Variants in CCT5 observed in about 807,000 individuals in gnomAD.
CCT5 encodes the protein chaperonin containing TCP1 subunit 5, also known as T-complex protein 1 subunit epsilon.
CCT5 carries 6 observed loss-of-function variants against 55.0 expected under a neutral mutation model. That is an observed-to-expected ratio of 0.11 (90% CI 0.06 to 0.22). CCT5 has a LOEUF of 0.22. Among genes scored for constraint, CCT5 ranks in the 10% least tolerant of loss-of-function variants. CCT5 has a pLI of 1.00. For synonymous variants in CCT5, 231 were observed against 243.7 expected (o/e 0.95, Z 0.49); for missense variants, 560 against 694.6 (o/e 0.81, Z 2.18).
Position 10,264,716 on chromosome 5 carries a change from C to A in CCT5, c.1559C>A (p.Ala520Glu), listed in dbSNP as rs1746138517. The change falls in exon 11 of 11, where the codon GCA (alanine) becomes GAA (glutamate). Residue 520 changes from alanine (A) to glutamate (E), a missense_variant. Coordinates refer to ENST00000280326, the MANE Select transcript of CCT5 (RefSeq NM_012073.5). ...GGCAAAAAGCAACAGATATCTCTTG[C>A]AACACAAATGGTTAGAATGATTTTG... ...LIGKKQQISL[A>E]TQMVRMILKI... 3 of 1,613,678 alleles carry A rather than the reference C, an allele frequency of 1.9e-6. No homozygotes were observed. Among genetic ancestry groups the A allele is most frequent in the African/African-American group, 2.7e-5 (2 of 74,912 alleles).
At position 10,262,529 on chromosome 5, in the gene CCT5, C is replaced by T. The variant is rs923206809; in HGVS notation, c.1228C>T (p.Arg410Trp). Residue 410 changes from arginine (R) to tryptophan (W), a missense_variant, in exon 9 of 11, where the codon CGG (arginine) becomes TGG (tryptophan). By Grantham distance (101) the Arg-to-Trp change is moderately radical (BLOSUM62 -3). Transcript: ENST00000280326. Reference sequence around the variant, plus strand: ...CCTTCACGATGCTTTGTGTGTCATCCGGAACCTCATCCGCGATAATCGTGT... The same window carrying T: ...CCTTCACGATGCTTTGTGTGTCATCTGGAACCTCATCCGCGATAATCGTGT... ...RSLHDALCVI[R>W]NLIRDNRVVY... is the part of the protein sequence containing the mutation. 3 of 1,614,220 alleles carry T rather than the reference C, an allele frequency of 1.9e-6. No individual in the cohort carries two copies. Among genetic ancestry groups the T allele is most frequent in the South Asian group, 2.2e-5 (2 of 91,084 alleles).
intron 2 of CCT5, 60 bp from the exon 3 acceptor site, chr5:10,254,614 A>G (rs972878642): frequency 4.5e-5 from 66 of 1,455,410 alleles, no homozygotes; most frequent in Non-Finnish European, 4.4e-5. Context: ...GTCTTGTTTT[A>G]TAGTTTGTGA....
At chr5:10,249,924 A>G (rs761130520), upstream of CCT5, 4 of 1,165,024 alleles carry the variant, frequency 3.4e-6, no homozygotes, top group East Asian at 6.5e-5. Flanking sequence ...AAAAAAAAAA[A>G]AAAAAAAAAA....
intron 3 of CCT5, among the ~76,000 whole-genome samples, chr5:10,255,750 G>T (rs1745641504): frequency 6.6e-6 from 1 of 152,174 alleles, no homozygotes; most frequent in South Asian, 2.1e-4. Context: ...ATGTTCATCT[G>T]TAAGGGGACA....
chr5:10,262,689 C>T (rs1746026984), intron 9 of CCT5, 71 bp downstream of exon 9: 1 of 1,539,866 alleles, frequency 6.5e-7, no homozygotes, highest in Non-Finnish European at 9.0e-7. Context: ...AGCTGCGGAA[C>T]AGCGAGGTGC....
intron 6 of CCT5, among the ~76,000 whole-genome samples, chr5:10,259,011 T>G: frequency 1.3e-5 from 2 of 152,182 alleles, no homozygotes; most frequent in East Asian, 3.8e-4. Context: ...TGGTAGTGTG[T>G]TCAGGGTCCT....
Position 10,256,103 on chromosome 5 carries a change from G to C in CCT5, c.480G>C (p.Lys160Asn). ...GCGATAGCGTCCTTGTTGACATAAA[G>C]GACACCGAACCCCTGATTCAGACAG... Reference protein sequence around the residue: ...KISDSVLVDIKDTEPLIQTAK... With the variant: ...KISDSVLVDINDTEPLIQTAK... Residue 160 changes from lysine to asparagine, a missense_variant, in exon 4 of 11, where the codon AAG becomes AAC. By Grantham distance (94) the Lys-to-Asn change is moderately conservative. Coordinates refer to ENST00000280326, the MANE Select transcript of CCT5 (RefSeq NM_012073.5). The C allele has an allele frequency of 1.9e-6, 3 of 1,613,914 alleles. No individual in the cohort carries two copies. The highest frequency in any genetic ancestry group is 2.5e-6 in the Non-Finnish European group (3 of 1,179,868).
At chr5:10,261,536 C>G in intron 7 of CCT5, 24 bp from the exon 8 acceptor site, 4 of 1,612,520 alleles carry the variant, frequency 2.5e-6, no homozygotes, top group Non-Finnish European at 3.4e-6. Context: ...TGTCTTCATC[C>G]TTCTCCCTGA....
chr5:10,250,559 G>A, intron 1 of CCT5, 114 bp downstream of exon 1: 2 of 1,528,234 alleles, frequency 1.3e-6, no homozygotes, highest in South Asian at 2.4e-5. Flanking sequence ...GAAAGGTCGA[G>A]AATCTCCGTC....
intron 3 of CCT5, 46 bp from the exon 4 acceptor site, chr5:10,255,909 A>G: frequency 6.5e-7 from 1 of 1,544,636 alleles, no homozygotes. Context: ...CTAAAAGTGA[A>G]GTTTTGTTGT....
chr5:10,263,745 T>G (rs1746095070), intron 10 of CCT5, among the ~76,000 whole-genome samples: 1 of 152,194 alleles, frequency 6.6e-6, no homozygotes, highest in Non-Finnish European at 1.5e-5. Flanking sequence ...GCCACTTGTG[T>G]AGCTCGGCTC....
In CCT5 at chr5:10,264,879, T is replaced by C. The variant is rs1579460468; in HGVS notation, c.*96T>C. 3 of 1,506,846 alleles carry C rather than the reference T, an allele frequency of 2.0e-6. No individual in the cohort carries two copies. Among genetic ancestry groups the C allele is most frequent in the Non-Finnish European group, 1.8e-6 (2 of 1,089,296 alleles). The allele number at this position is 1,506,846 out of a possible 1,614,324, so 93.3% of individuals were successfully genotyped here. A position where few individuals can be genotyped will look rare whatever the true frequency, so the allele number is the denominator to read the frequency against. The stretch of plus-strand genomic sequence containing the variant: ...ACAGTTATTTATTGTTACATCCTTT[T>C]CCAGACACTGTAGATGCTATAATAA... On this transcript the variant is annotated 3_prime_UTR_variant, in exon 11 of 11. Coordinates refer to ENST00000280326, the MANE Select transcript of CCT5 (RefSeq NM_012073.5).
Position 10,263,643 on chromosome 5 carries a change from C to T in CCT5, c.1498+329C>T, listed in dbSNP as rs571405230. ...CTGTCAGTGGGCAGCATATATATAA[C>T]AGCTCTGAAGTGGGCTTTAGTTCAC... On this transcript the variant is annotated intron_variant, in intron 10 of 10. Transcript: ENST00000280326. 2.2e-3 allele frequency among the ~76,000 whole-genome samples: 331 copies of T among 152,308 alleles called. 1 individual carries two copies. The highest frequency in any genetic ancestry group is 0.02 in the Middle Eastern group (6 of 294).
In CCT5 at chr5:10,255,935, G is replaced by C. The variant is rs201358534; in HGVS notation, c.332-20G>C. On this transcript the variant is annotated intron_variant, in intron 3 of 10. Coordinates refer to ENST00000280326, the MANE Select transcript of CCT5 (RefSeq NM_012073.5). ...GTTTTGTTGTTTGCCTGAACTGATT[G>C]TCTGCTGGCTTATTTGCAGTCCTGG... 7 of 1,610,500 alleles carry C rather than the reference G, an allele frequency of 4.3e-6. No homozygotes were observed. Among genetic ancestry groups the C allele is most frequent in the Non-Finnish European group, 5.9e-6 (7 of 1,178,354 alleles).
upstream of CCT5, chr5:10,249,928 A>AAC: frequency 2.3e-6 from 2 of 883,182 alleles, no homozygotes; most frequent in Non-Finnish European, 2.8e-6. Flanking sequence ...AAAAAAAAAA[A>AAC]AAAAAACCGG....
chr5:10,252,961 G>A (rs1056008149), intron 1 of CCT5, among the ~76,000 whole-genome samples: 27 of 151,478 alleles, frequency 1.8e-4, no homozygotes, highest in East Asian at 1.4e-3. Context: ...ACTCAATTTG[G>A]TAGCTAAATG....
intron 2 of CCT5, 141 bp from the exon 3 acceptor site, chr5:10,254,533 G>A (rs1745582683): frequency 1.6e-5 from 12 of 757,370 alleles, no homozygotes; most frequent in Admixed American, 1.4e-4. Context: ...ATGCCTTCAT[G>A]CAGCTACTAT....
intron 6 of CCT5, among the ~76,000 whole-genome samples, chr5:10,258,857 G>C (rs1745811697): frequency 6.6e-6 from 1 of 152,138 alleles, no homozygotes; most frequent in Non-Finnish European, 1.5e-5. Context: ...GCCAGGCATG[G>C]TGGCAGGCAC....
chr5:10,251,018 C>T (rs963035690), intron 1 of CCT5: 29 of 296,720 alleles, frequency 9.8e-5, no homozygotes, highest in African/African-American at 5.4e-4. Context: ...GTGAGAAGGA[C>T]AGCTACGGAG....
Sources: allele counts gnomAD v4.1 joint callset (sites outside exome capture counted in the v4.1 genomes callset), GRCh38; gene constraint gnomAD v4.1.1; transcripts MANE v1.5; gene names NCBI Gene and HGNC (gene_info 2026-07-23, HGNC 2026-07-21).